PGBD5: variants seen among roughly 807,000 people sequenced by gnomAD.
PGBD5 encodes the protein piggyBac transposable element derived 5, also known as piggyBac transposable element-derived protein 5.
In PGBD5, 14 loss-of-function variants were observed where a neutral mutation model predicts 47.9. The ratio of observed to expected loss-of-function variants is 0.29; its 90% CI spans 0.19 to 0.46. The LOEUF (loss-of-function observed/expected upper bound fraction) is 0.46, where lower values mean the gene tolerates loss of function less well. Among genes scored for constraint, PGBD5 ranks in the 20% least tolerant of loss-of-function variants. The pLI, the probability that PGBD5 is intolerant of heterozygous loss-of-function variation, is 1.00. For synonymous variants in PGBD5, 316 were observed against 306.3 expected (o/e 1.03, Z -0.33); for missense variants, 635 against 716.0 (o/e 0.89, Z 1.29).
intron 5 of PGBD5, among the ~76,000 whole-genome samples, chr1:230,328,937 A>ATT (rs201709475): frequency 2.7e-5 from 4 of 147,052 alleles, no homozygotes; most frequent in African/African-American, 7.4e-5. Context: ...AGCATTTAAC[A>ATT]TTTTTTTTTT....
chr1:230,349,061 AG>A (rs775454238), intron 3 of PGBD5, among the ~76,000 whole-genome samples: 3 of 152,230 alleles, frequency 2.0e-5, no homozygotes, highest in Non-Finnish European at 4.4e-5. Context: ...AACTTCTTAT[AG>A]ATGTGGATTT....
At chr1:230,376,119 G>A (rs183059357) in intron 1 of PGBD5, among the ~76,000 whole-genome samples, 2 of 151,824 alleles carry the variant, frequency 1.3e-5, no homozygotes, top group Admixed American at 1.3e-4. Flanking sequence ...CAGAGTCACA[G>A]GGTGTCCAAG....
At chr1:230,333,582 G>C (rs529695559) in intron 4 of PGBD5, among the ~76,000 whole-genome samples, 1 of 152,222 alleles carries the variant, frequency 6.6e-6, no homozygotes, top group Non-Finnish European at 1.5e-5. Flanking sequence ...GTCTCACCAG[G>C]ACGTGGCTGA....
chr1:230,362,518 T>C (rs1219366379), intron 1 of PGBD5: 41 of 1,154,300 alleles, frequency 3.6e-5, no homozygotes, highest in Non-Finnish European at 4.5e-5. Context: ...CATCACCTTC[T>C]GGGGGAACCT....
At chr1:230,349,731 T>A (rs1667532106) in intron 3 of PGBD5, among the ~76,000 whole-genome samples, 1 of 152,076 alleles carries the variant, frequency 6.6e-6, no homozygotes, top group Admixed American at 6.6e-5. Context: ...GGGAGTATCA[T>A]CACAAAAGGC....
chr1:230,396,855 G>C lies in PGBD5; in HGVS notation c.331+28743C>G, dbSNP rs140632283. ...TCCCCATGGGATTGTGTGCGGAGCA[G>C]ACCAATGAGTGTGACAAGCCTGTTA... On this transcript the variant is annotated intron_variant, in intron 1 of 6. Transcript: ENST00000391860. 3.3e-5 allele frequency among the ~76,000 whole-genome samples: 5 copies of C among 152,298 alleles called. No homozygotes were observed. In the East Asian group the frequency reaches 7.7e-4, roughly 24 times the overall value.
chr1:230,376,488 C>T (rs1010504865), intron 1 of PGBD5, among the ~76,000 whole-genome samples: 2 of 152,168 alleles, frequency 1.3e-5, no homozygotes, highest in Non-Finnish European at 2.9e-5. Flanking sequence ...TGTCAATCGG[C>T]CCTTTGTTGG....
At chr1:230,383,602 C>G (rs1178926438) in intron 1 of PGBD5, among the ~76,000 whole-genome samples, 1 of 152,144 alleles carries the variant, frequency 6.6e-6, no homozygotes, top group Non-Finnish European at 1.5e-5. Flanking sequence ...GAACTCCTGG[C>G]TCAAGCGATC....
chr1:230,333,103 C>T (rs1667249469), intron 4 of PGBD5, 62 bp from the exon 5 acceptor site: 1 of 1,510,084 alleles, frequency 6.6e-7, no homozygotes. Flanking sequence ...GCGGCTCCTC[C>T]GCCCTGGGCA....
chr1:230,332,995 G>C lies in PGBD5; in HGVS notation c.1122C>G (p.Thr374=). The part of the protein sequence containing the change: ...GLLRARKSDC[T]GLPLSMLTNP... ...TGGTCAGCATGGACAGTGGGAGGCC[G>C]GTGCAGTCACTCTTCCGCGCGCGGA... Residue 374 remains threonine (T), a synonymous_variant, in exon 5 of 7, where the codon ACC becomes ACG. Coordinates refer to ENST00000391860, the MANE Select transcript of PGBD5 (RefSeq NM_001258311.2). 6.2e-7 allele frequency: 1 copy of C among 1,612,714 alleles called. No homozygotes were observed.
chr1:230,336,456 C>A (rs1029042491), intron 4 of PGBD5, among the ~76,000 whole-genome samples: 1 of 152,196 alleles, frequency 6.6e-6, no homozygotes, highest in African/African-American at 2.4e-5. Context: ...GGGGAGCAGG[C>A]ACTTTTTGTG....
At chr1:230,332,753 A>T in intron 5 of PGBD5, 91 bp downstream of exon 5, 1 of 1,440,582 alleles carries the variant, frequency 6.9e-7, no homozygotes, top group Non-Finnish European at 9.6e-7. Flanking sequence ...CACAGCCCAC[A>T]GTGGACGCCA....
intron 1 of PGBD5, among the ~76,000 whole-genome samples, chr1:230,378,104 C>G (rs1416642263): frequency 6.6e-5 from 10 of 152,222 alleles, no homozygotes; most frequent in African/African-American, 2.4e-4. Flanking sequence ...CTTCTGGAAT[C>G]AAGAGCAGCA....
At chr1:230,368,110 T>C (rs770592661) in intron 1 of PGBD5, 1 of 1,367,916 alleles carries the variant, frequency 7.3e-7, no homozygotes, top group Non-Finnish European at 9.8e-7. Flanking sequence ...TGTGCTCAAG[T>C]TCTGACCACA....
chr1:230,370,907 T>C (rs1422966439), intron 1 of PGBD5, among the ~76,000 whole-genome samples: 2 of 152,190 alleles, frequency 1.3e-5, no homozygotes, highest in African/African-American at 4.8e-5. Context: ...ATGAAAGCCC[T>C]CAGGCACAGA....
At chr1:230,417,512 G>C (rs899484952) in intron 1 of PGBD5, among the ~76,000 whole-genome samples, 4 of 152,238 alleles carry the variant, frequency 2.6e-5, no homozygotes, top group Non-Finnish European at 5.9e-5. Context: ...AGGAAGCTCA[G>C]TTTAGGGGCC....
At chr1:230,346,835 G>A (rs1227248699) in intron 3 of PGBD5, among the ~76,000 whole-genome samples, 2 of 152,032 alleles carry the variant, frequency 1.3e-5, no homozygotes, top group East Asian at 3.9e-4. Context: ...TTTTTAACGT[G>A]TCCATCTCTC....
Position 230,319,264 on chromosome 1 carries a change from TG to T in PGBD5, c.*4160del, listed in dbSNP as rs1194202378. The T allele has an allele frequency of 3.3e-5, 5 of 152,352 alleles. No homozygotes were observed. The highest frequency in any genetic ancestry group is 3.3e-4 in the Admixed American group (5 of 15,282). The allele number at this position is 152,352 out of a possible 1,614,324, so 9.4% of individuals were successfully genotyped here. The stretch of plus-strand genomic sequence containing the variant: ...GGCAGAAGGGCCACCCCAAGCCGCC[TG>T]GAAGTGTGCCTGCCTGTTAGCCACC... On this transcript the variant is annotated 3_prime_UTR_variant, in exon 7 of 7. Transcript: ENST00000391860.
At chr1:230,332,208 G>A (rs1325788323) in intron 5 of PGBD5, among the ~76,000 whole-genome samples, 2 of 152,112 alleles carry the variant, frequency 1.3e-5, no homozygotes, top group Non-Finnish European at 2.9e-5. Context: ...CTTGAGGAAA[G>A]CCTCCGTGTG....
Sources: allele counts gnomAD v4.1 joint callset (sites outside exome capture counted in the v4.1 genomes callset), GRCh38; gene constraint gnomAD v4.1.1; transcripts MANE v1.5; gene names NCBI Gene and HGNC (gene_info 2026-07-23, HGNC 2026-07-21).